GRIN2A: variants seen among roughly 807,000 people sequenced by gnomAD.
GRIN2A encodes glutamate ionotropic receptor NMDA type subunit 2A.
A neutral mutation model predicts 113.4 loss-of-function variants in GRIN2A; 22 were observed. That is an observed-to-expected ratio of 0.19 (90% CI 0.14 to 0.28). The LOEUF (loss-of-function observed/expected upper bound fraction) is 0.28. Among genes scored for constraint, GRIN2A ranks in the 10% least tolerant of loss-of-function variants. The pLI is 1.00. For synonymous variants in GRIN2A, 827 were observed against 738.4 expected, an observed-to-expected ratio of 1.12 and a Z score of -1.94; for missense variants, 1,502 against 1,887.0, an observed-to-expected ratio of 0.80 and a Z score of 3.78.
At chr16:9,931,506 A>G (rs1163657992) in intron 3 of GRIN2A, among the ~76,000 whole-genome samples, 1 of 152,122 alleles carries the variant, frequency 6.6e-6, no homozygotes, top group African/African-American at 2.4e-5. Context: ...AATAACTTAT[A>G]CTTGGTAAAT....
intron 5 of GRIN2A, 62 bp from the exon 6 acceptor site, chr16:9,841,166 A>G: frequency 1.5e-6 from 2 of 1,350,474 alleles, no homozygotes; most frequent in Non-Finnish European, 1.1e-6. Context: ...CACAATCATT[A>G]GCTGTACTCT....
intron 2 of GRIN2A, among the ~76,000 whole-genome samples, chr16:10,072,195 T>G (rs1284455668): frequency 1.3e-5 from 2 of 152,194 alleles, no homozygotes; most frequent in African/African-American, 4.8e-5. Context: ...TGGTTAAGCA[T>G]CATGAGGCTG....
rs1211086817 is a variant in GRIN2A, at chr16:9,754,584, T to G, written c.*8565A>C. 4.7e-6 allele frequency: 1 copy of G among 212,292 alleles called. No individual in the cohort carries two copies. The highest frequency in any genetic ancestry group is 2.3e-5 in the African/African-American group (1 of 44,178). 13.2% of individuals were successfully genotyped at this position (212,292 alleles called of 1,614,324 possible). ...AATCTTTTGTTTTTAAACTGAAACA[T>G]TTACGTAAGTGGTCATGGCCCCAGA... On this transcript the variant is annotated 3_prime_UTR_variant, in exon 13 of 13. Transcript: ENST00000330684.
At chr16:9,963,199 A>C (rs888632504) in intron 2 of GRIN2A, among the ~76,000 whole-genome samples, 24 of 151,634 alleles carry the variant, frequency 1.6e-4, no homozygotes, top group Non-Finnish European at 3.1e-4. Context: ...CAGCACACCA[A>C]CATGGCACAT....
At chr16:9,792,335 G>T (rs1387800871) in intron 11 of GRIN2A, among the ~76,000 whole-genome samples, 1 of 152,064 alleles carries the variant, frequency 6.6e-6, no homozygotes, top group Non-Finnish European at 1.5e-5. Flanking sequence ...CAATCCTCCT[G>T]CCTCAGCCTC....
chr16:9,791,596 C>T (rs2141209958), intron 11 of GRIN2A, among the ~76,000 whole-genome samples: 1 of 152,244 alleles, frequency 6.6e-6, no homozygotes, highest in East Asian at 1.9e-4. Flanking sequence ...CGGATGTCAG[C>T]CCAAAGATAT....
At chr16:10,121,584 T>C (rs2352758) in intron 2 of GRIN2A, 142,469 of 152,114 alleles carry the variant, frequency 0.94, 67,451 homozygotes, top group East Asian at 1. Context: ...TCTATTTTCA[T>C]AACACTAATG....
At chr16:9,969,558 G>C (rs541696355) in intron 2 of GRIN2A, among the ~76,000 whole-genome samples, 148 of 152,294 alleles carry the variant, frequency 9.7e-4, no homozygotes, top group Admixed American at 6.5e-3. Flanking sequence ...CCATAAGCCA[G>C]TTAAGCTCAG....
chr16:9,907,269 G>C (rs993653471), intron 3 of GRIN2A, among the ~76,000 whole-genome samples: 8 of 152,198 alleles, frequency 5.3e-5, no homozygotes, highest in Admixed American at 4.6e-4. Flanking sequence ...GATAAACAAT[G>C]AAATACAATA....
chr16:9,911,938 G>C (rs1367261202), intron 3 of GRIN2A, among the ~76,000 whole-genome samples: 1 of 152,140 alleles, frequency 6.6e-6, no homozygotes, highest in Non-Finnish European at 1.5e-5. Flanking sequence ...AGCATGACTG[G>C]GCAAGCTATT....
chr16:10,118,172 A>C (rs2048764311), intron 2 of GRIN2A, among the ~76,000 whole-genome samples: 1 of 152,224 alleles, frequency 6.6e-6, no homozygotes, highest in Non-Finnish European at 1.5e-5. Context: ...AGCGGAGCCC[A>C]GGTACAGGAA....
intron 12 of GRIN2A, among the ~76,000 whole-genome samples, chr16:9,766,572 G>A (rs535317908): frequency 6.6e-6 from 1 of 152,236 alleles, no homozygotes; most frequent in African/African-American, 2.4e-5. Flanking sequence ...TATATATAAT[G>A]TGTGGTTGGC....
At chr16:9,934,280 C>A (rs9926339) in intron 3 of GRIN2A, among the ~76,000 whole-genome samples, 1,904 of 152,242 alleles carry the variant, frequency 0.013, 43 homozygotes, top group African/African-American at 0.044. Flanking sequence ...CCACCTTGAT[C>A]AGACTGTATG....
intron 2 of GRIN2A, among the ~76,000 whole-genome samples, chr16:10,039,815 G>A (rs867547781): frequency 8.0e-6 from 1 of 125,242 alleles, no homozygotes; most frequent in Non-Finnish European, 1.7e-5. Context: ...GGGGGAGAAA[G>A]AGAGAGAGAG....
intron 2 of GRIN2A, among the ~76,000 whole-genome samples, chr16:10,173,868 C>T (rs1049387332): frequency 1.3e-5 from 2 of 152,152 alleles, no homozygotes; most frequent in East Asian, 3.8e-4. Flanking sequence ...TGAAATAAAA[C>T]GGGGTCAAAA....
At chr16:10,005,233 T>C (rs938708651) in intron 2 of GRIN2A, among the ~76,000 whole-genome samples, 2 of 152,210 alleles carry the variant, frequency 1.3e-5, no homozygotes, top group South Asian at 2.1e-4. Flanking sequence ...TAACTATTGA[T>C]ATAAAAAGTG....
At chr16:10,127,266 A>G (rs1480036195) in intron 2 of GRIN2A, among the ~76,000 whole-genome samples, 2 of 151,408 alleles carry the variant, frequency 1.3e-5, no homozygotes, top group Non-Finnish European at 2.9e-5. Context: ...ACAAGATGGG[A>G]AAGTCTTTGG....
At chr16:10,107,302 A>C (rs1057118657) in intron 2 of GRIN2A, among the ~76,000 whole-genome samples, 1 of 152,222 alleles carries the variant, frequency 6.6e-6, no homozygotes, top group African/African-American at 2.4e-5. Context: ...TGAGGAAAGC[A>C]GGGTGGATCT....
At chr16:10,113,684 T>C (rs768148499) in intron 2 of GRIN2A, among the ~76,000 whole-genome samples, 2 of 152,252 alleles carry the variant, frequency 1.3e-5, no homozygotes, top group Non-Finnish European at 2.9e-5. Context: ...TAGGTATGGA[T>C]ATATTTATAT....
Sources: gnomAD v4.1 joint callset for allele counts (sites outside exome capture counted in the v4.1 genomes callset) on GRCh38, gnomAD v4.1.1 for gene constraint, MANE v1.5 for transcripts, NCBI Gene and HGNC (gene_info 2026-07-23, HGNC 2026-07-21) for gene names.